The following STIL variants were observed in gnomAD, a reference collection of about 807,000 sequenced individuals.
The protein encoded by STIL is SCL-interrupting locus protein.
Under a neutral mutation model 110.1 loss-of-function variants are expected in STIL, and 55 were observed. The ratio of observed to expected loss-of-function variants is 0.50; its 90% CI spans 0.40 to 0.63. The LOEUF is 0.63. STIL is among the 20% of genes least tolerant of loss of function. The pLI, the probability that STIL is intolerant of heterozygous loss-of-function variation, is 0.00. For synonymous variants in STIL, 481 were observed against 530.0 expected, an observed-to-expected ratio of 0.91 and a Z score of 1.27; for missense variants, 1,358 against 1,530.0, an observed-to-expected ratio of 0.89 and a Z score of 1.87.
chr1:47,270,257 C>CACAT (rs1644795528), intron 13 of STIL, among the ~76,000 whole-genome samples: 3 of 116,124 alleles, frequency 2.6e-5, no homozygotes, highest in Admixed American at 1.8e-4. Context: ...TATATATATA[C>CACAT]ACACACACAC....
chr1:47,266,159 C>T (rs1025526434), intron 14 of STIL, among the ~76,000 whole-genome samples: 1 of 152,150 alleles, frequency 6.6e-6, no homozygotes, highest in African/African-American at 2.4e-5. Flanking sequence ...CTGTGGCACA[C>T]ACAATGAGTG....
chr1:47,271,820 C>CA (rs1432724323), intron 13 of STIL, among the ~76,000 whole-genome samples: 3 of 148,160 alleles, frequency 2.0e-5, no homozygotes, highest in Admixed American at 6.7e-5. Context: ...AAAAAAAAAA[C>CA]AAAAAACAAA....
chr1:47,293,551 G>A lies in STIL; in HGVS notation c.786-7C>T, dbSNP rs1645555476. On this transcript the variant is annotated splice_polypyrimidine_tract_variant and splice_region_variant and intron_variant, in intron 7 of 16. Coordinates refer to ENST00000371877, the MANE Select transcript of STIL (RefSeq NM_001048166.1). ...TGTAATTCCAGACAGCCAACTAAAA[G>A]AAAAAGATAGAAATTAAAAACCATA... 2 of 1,605,782 alleles carry A rather than the reference G, an allele frequency of 1.2e-6. No individual in the cohort carries two copies. The highest frequency in any genetic ancestry group is 2.2e-5 in the South Asian group (2 of 90,842).
In STIL at chr1:47,280,830, G is replaced by A. The variant is rs746094772; in HGVS notation, c.1628C>T (p.Ala543Val). 2.7e-5 allele frequency: 43 copies of A among 1,614,092 alleles called. No individual in the cohort carries two copies. The Admixed American group carries it at 3.7e-4, about 14-fold the overall frequency. The change falls in exon 12 of 17, where the codon GCT becomes GTT. Residue 543 changes from alanine to valine, a missense_variant. Coordinates refer to ENST00000371877, the MANE Select transcript of STIL (RefSeq NM_001048166.1). Reference sequence around the variant, plus strand: ...ATACTCTTCGTTTTGTACATTTCCAGCAGAAACTGTTTGGAGCTTTTCAAA... The same window carrying A: ...ATACTCTTCGTTTTGTACATTTCCAACAGAAACTGTTTGGAGCTTTTCAAA... The part of the protein sequence containing the change: ...DIFEKLQTVS[A>V]GNVQNEEYPI...
rs757536400 is a variant in STIL at position 47,272,235 on chromosome 1, G to T, written c.2224C>A (p.Arg742Ser). Residue 742 changes from arginine (R) to serine (S), a missense_variant, in exon 13 of 17, where the codon CGT becomes AGT. Coordinates refer to ENST00000371877, the MANE Select transcript of STIL (RefSeq NM_001048166.1). ...ATCAGAGACTGTGCTTCCAACAAACGCTGAATCTGTATCAATTAAAAACAT... is the reference window on the plus strand; with the variant it reads ...ATCAGAGACTGTGCTTCCAACAAACTCTGAATCTGTATCAATTAAAAACAT... ...QLRLLQAQIQ[R>S]LLEAQSLMPC... 1.9e-6 allele frequency: 3 copies of T among 1,614,000 alleles called. No homozygotes were observed. Among genetic ancestry groups the T allele is most frequent in the Non-Finnish European group, 2.5e-6 (3 of 1,179,968 alleles).
intron 2 of STIL, chr1:47,305,277 C>T (rs899376014): frequency 6.3e-6 from 2 of 316,400 alleles, no homozygotes; most frequent in Non-Finnish European, 1.2e-5. Flanking sequence ...AGGAGTGCAC[C>T]ACCACACCCG....
chr1:47,251,648 C>T lies in STIL; in HGVS notation c.3355G>A (p.Ala1119Thr). ...TATCTCTTCATATATTTTTTGGTTGCAAATGACATGTTGTTTGGTGAAATT... is the reference window on the plus strand; with the variant it reads ...TATCTCTTCATATATTTTTTGGTTGTAAATGACATGTTGTTTGGTGAAATT... The part of the protein sequence containing the change: ...SLISPNNMSF[A>T]TKKYMKRYGL... The change falls in exon 17 of 17, where the codon GCA becomes ACA. Residue 1119 changes from alanine (A) to threonine (T), a missense_variant. Physicochemically the swap from Ala to Thr is moderately conservative, Grantham distance 58. Coordinates refer to ENST00000371877, the MANE Select transcript of STIL (RefSeq NM_001048166.1). 6.2e-7 allele frequency: 1 copy of T among 1,613,992 alleles called. No homozygotes were observed. Among genetic ancestry groups the T allele is most frequent in the Admixed American group, 1.7e-5 (1 of 59,984 alleles).
At chr1:47,254,964 C>G (rs898151573) in intron 16 of STIL, among the ~76,000 whole-genome samples, 3 of 152,062 alleles carry the variant, frequency 2.0e-5, no homozygotes, top group Non-Finnish European at 2.9e-5. Flanking sequence ...GGAGGGTGGG[C>G]TAGGGGCAAT....
Position 47,300,110 on chromosome 1 carries a change from C to T in STIL, c.496G>A (p.Gly166Ser). The change falls in exon 6 of 17, where the codon GGT becomes AGT. Residue 166 changes from glycine to serine, a missense_variant. By Grantham distance (56) the Gly-to-Ser change is moderately conservative. Transcript: ENST00000371877. ...TGAACTCTTAGGGAAAGCAGCTTAC[C>T]ACAGTCCAAGGAATCTTTGCTACAT... ...HICSKDSLDC[G>S]KLLSLRVHIT... 1 of 1,614,104 alleles carries T rather than the reference C, an allele frequency of 6.2e-7. No homozygotes were observed. Among genetic ancestry groups the T allele is most frequent in the East Asian group, 2.2e-5 (1 of 44,872 alleles).
In STIL at chr1:47,299,893, T is replaced by G; in HGVS notation, c.701+12A>C. 1 of 1,611,284 alleles carries G rather than the reference T, an allele frequency of 6.2e-7. No homozygotes were observed. The highest frequency in any genetic ancestry group is 1.7e-5 in the Admixed American group (1 of 60,004). On this transcript the variant is annotated intron_variant, in intron 6 of 16. Transcript: ENST00000371877. ...TGCAACTAACATTTAGATTAATGTA[T>G]CTTTTACTTACCCATATTTATAAGT...
chr1:47,287,412 C>T (rs1357894367), intron 10 of STIL, 139 bp downstream of exon 10: 3 of 593,422 alleles, frequency 5.1e-6, no homozygotes, highest in Non-Finnish European at 8.7e-6. Context: ...TGAAGGAATG[C>T]ATTTAAAACA....
Position 47,269,629 on chromosome 1 carries a change from C to T in STIL, c.2615+6G>A. The T allele has an allele frequency of 1.2e-6, 2 of 1,613,154 alleles. No homozygotes were observed. The highest frequency in any genetic ancestry group is 1.7e-6 in the Non-Finnish European group (2 of 1,179,234). On this transcript the variant is annotated splice_donor_region_variant and intron_variant, in intron 14 of 16. Coordinates refer to ENST00000371877, the MANE Select transcript of STIL (RefSeq NM_001048166.1). ...AGGATGAAAGACTAAATCAAAGAGA[C>T]CTTACTTGGATACAGAAAGTGGCTG...
intron 9 of STIL, among the ~76,000 whole-genome samples, chr1:47,288,536 A>C (rs1015641275): frequency 6.6e-6 from 1 of 151,880 alleles, no homozygotes; most frequent in Non-Finnish European, 1.5e-5. Context: ...ACCTCAGGTG[A>C]TCCGCCCACC....
chr1:47,265,029 A>C (rs759494018), intron 14 of STIL, among the ~76,000 whole-genome samples: 1 of 151,294 alleles, frequency 6.6e-6, no homozygotes, highest in Admixed American at 6.6e-5. Flanking sequence ...TGAGGTCAGG[A>C]GTTCGAGACC....
At chr1:47,312,469 G>C (rs934617944) in intron 1 of STIL, among the ~76,000 whole-genome samples, 4 of 151,892 alleles carry the variant, frequency 2.6e-5, no homozygotes, top group Non-Finnish European at 4.4e-5. Context: ...AAAAAAAGGT[G>C]ACTAAACAGT....
At chr1:47,252,162 C>T (rs1032211005) in intron 16 of STIL, among the ~76,000 whole-genome samples, 1 of 152,154 alleles carries the variant, frequency 6.6e-6, no homozygotes, top group African/African-American at 2.4e-5. Flanking sequence ...GGGAGGATTG[C>T]TTGAAGCCAG....
At chr1:47,267,933 G>A (rs1402345956) in intron 14 of STIL, among the ~76,000 whole-genome samples, 1 of 151,990 alleles carries the variant, frequency 6.6e-6, no homozygotes, top group Non-Finnish European at 1.5e-5. Flanking sequence ...ATTTCATAAT[G>A]AAAAATTTCA....
chr1:47,282,055 T>C (rs773412763), intron 11 of STIL, among the ~76,000 whole-genome samples: 232 of 152,234 alleles, frequency 1.5e-3, no homozygotes, highest in Non-Finnish European at 2.2e-3. Context: ...GTTGTGTGTC[T>C]TGGGTAGGTA....
At chr1:47,269,080 G>C (rs1240941157) in intron 14 of STIL, among the ~76,000 whole-genome samples, 1 of 147,110 alleles carries the variant, frequency 6.8e-6, no homozygotes, top group Admixed American at 6.8e-5. Flanking sequence ...AACAGAGCGG[G>C]ACTCCGTCAA....
Sources: gnomAD v4.1 joint callset for allele counts (sites outside exome capture counted in the v4.1 genomes callset) on GRCh38, gnomAD v4.1.1 for gene constraint, MANE v1.5 for transcripts, NCBI Gene and HGNC (gene_info 2026-07-23, HGNC 2026-07-21) for gene names.